ZBTB46: variants seen among roughly 807,000 people sequenced by gnomAD.
The protein encoded by ZBTB46 is zinc finger and BTB domain-containing protein 46.
ZBTB46 carries 8 observed loss-of-function variants against 44.1 expected under a neutral mutation model. That is an observed-to-expected ratio of 0.18 (90% confidence interval 0.11 to 0.33). ZBTB46 has a LOEUF of 0.33. Among genes scored for constraint, ZBTB46 ranks in the 10% least tolerant of loss-of-function variants. The pLI is 1.00. For missense variants in ZBTB46, 651 were observed against 847.7 expected (o/e 0.77, Z 2.88); for synonymous variants, 409 against 382.3 (o/e 1.07, Z -0.81).
chr20:63,750,857 A>C (rs1216641695), intron 4 of ZBTB46, among the ~76,000 whole-genome samples: 1 of 151,894 alleles, frequency 6.6e-6, no homozygotes, highest in Non-Finnish European at 1.5e-5. Context: ...GAGCTGTGTC[A>C]CGCCACTGCA....
chr20:63,815,235 AAT>A, intron 1 of ZBTB46: 1 of 246,196 alleles, frequency 4.1e-6, no homozygotes. Context: ...CAGTGAGTGC[AAT>A]GGGTGCAGGT....
chr20:63,802,924 G>A (rs1256332969), intron 1 of ZBTB46, among the ~76,000 whole-genome samples: 1 of 152,186 alleles, frequency 6.6e-6, no homozygotes, highest in Non-Finnish European at 1.5e-5. Flanking sequence ...CGGCCTCCAG[G>A]ACTGGAGGGA....
chr20:63,781,419 G>A (rs970211088), intron 2 of ZBTB46, among the ~76,000 whole-genome samples: 7 of 152,098 alleles, frequency 4.6e-5, no homozygotes, highest in African/African-American at 1.4e-4. Flanking sequence ...TCGAAACACG[G>A]CAAAAAGACC....
upstream of ZBTB46, among the ~76,000 whole-genome samples, chr20:63,832,047 C>T (rs1245418784): frequency 6.6e-6 from 1 of 151,872 alleles, no homozygotes; most frequent in East Asian, 1.9e-4. This position sits in a 1 kb window ranked among gnomAD's most constrained non-coding sequence, Gnocchi z 5.0. Context: ...ACTAGGGGCA[C>T]CGGCGGCCGC....
At chr20:63,761,652 G>A (rs949384054) in intron 3 of ZBTB46, among the ~76,000 whole-genome samples, 1 of 151,796 alleles carries the variant, frequency 6.6e-6, no homozygotes, top group African/African-American at 2.4e-5. Flanking sequence ...CGTGGTGGCC[G>A]GTGCCTGTAA....
chr20:63,806,920 C>T (rs2092685273), intron 1 of ZBTB46, among the ~76,000 whole-genome samples: 1 of 152,140 alleles, frequency 6.6e-6, no homozygotes, highest in Non-Finnish European at 1.5e-5. Flanking sequence ...GTAGCTGGGA[C>T]TACCAGCGCC....
intron 1 of ZBTB46, among the ~76,000 whole-genome samples, chr20:63,792,006 G>A (rs1159146845): frequency 6.6e-6 from 1 of 152,200 alleles, no homozygotes; most frequent in Non-Finnish European, 1.5e-5. Context: ...TCTGTGTGGA[G>A]GCATCGCACG....
At chr20:63,782,240 G>A (rs1429069856) in intron 2 of ZBTB46, among the ~76,000 whole-genome samples, 3 of 150,860 alleles carry the variant, frequency 2.0e-5, no homozygotes, top group Non-Finnish European at 4.4e-5. Flanking sequence ...GAACGACTCC[G>A]CAGACCTGAT....
At chr20:63,768,070 C>A (rs1457955468) in intron 3 of ZBTB46, 1 of 985,362 alleles carries the variant, frequency 1.0e-6, no homozygotes, top group Non-Finnish European at 1.2e-6. Context: ...TGCCCTCACT[C>A]ACCTGGGATG....
At chr20:63,756,050 CACT>C (rs1393787494) in intron 3 of ZBTB46, among the ~76,000 whole-genome samples, 1 of 152,222 alleles carries the variant, frequency 6.6e-6, no homozygotes, top group African/African-American at 2.4e-5. Flanking sequence ...CCTGTGAAAA[CACT>C]GCAGTCATTC....
rs187665583 is a variant in ZBTB46, at chr20:63,793,069, G to A, written c.-33-2279C>T. 2.9e-4 allele frequency among the ~76,000 whole-genome samples: 44 copies of A among 152,234 alleles called. No individual in the cohort carries two copies. In the East Asian group the frequency reaches 8.1e-3, roughly 28 times the overall value. On this transcript the variant is annotated intron_variant, in intron 1 of 4. Transcript: ENST00000245663. ...CACGAGGGCTGTGACGGCGGTGACC[G>A]CTGACCATTACAGGAAGGGCCTCAA...
At chr20:63,807,547 G>A (rs2092689426) in intron 1 of ZBTB46, among the ~76,000 whole-genome samples, 1 of 152,172 alleles carries the variant, frequency 6.6e-6, no homozygotes, top group Admixed American at 6.5e-5. Flanking sequence ...GTTTCACCAT[G>A]TTGGCCAGGC....
chr20:63,804,498 C>T (rs2092669167), intron 1 of ZBTB46, among the ~76,000 whole-genome samples: 1 of 152,204 alleles, frequency 6.6e-6, no homozygotes, highest in Non-Finnish European at 1.5e-5. Context: ...ACTGACAGCA[C>T]ACATGCCACC....
At position 63,803,654 on chromosome 20, in the gene ZBTB46, C is replaced by T. The variant is rs6011126; in HGVS notation, c.-33-12864G>A. 0.18 allele frequency among the ~76,000 whole-genome samples: 27,257 copies of T among 151,806 alleles called. 2,982 individuals are homozygous for T. The highest frequency in any genetic ancestry group is 0.45 in the East Asian group (2,275 of 5,092). ...CCTTTCAGTTCCTTCATCTCCAGCC[C>T]GGCTCTGACGCCCAGGCCGCCTCCT... On this transcript the variant is annotated intron_variant, in intron 1 of 4. Coordinates refer to ENST00000245663, the MANE Select transcript of ZBTB46 (RefSeq NM_001369741.1). This position sits in a 1 kb window ranked among gnomAD's most constrained non-coding sequence, Gnocchi z 4.0.
intron 3 of ZBTB46, among the ~76,000 whole-genome samples, chr20:63,766,966 C>A (rs184912519): frequency 6.6e-6 from 1 of 152,194 alleles, no homozygotes; most frequent in African/African-American, 2.4e-5. Context: ...TGCCTATCCC[C>A]CTCCTGAGCC....
chr20:63,795,834 G>A (rs4538263), intron 1 of ZBTB46, among the ~76,000 whole-genome samples: 27,696 of 152,218 alleles, frequency 0.18, 3,096 homozygotes, highest in East Asian at 0.45. Flanking sequence ...TGCCGAATGC[G>A]CATAGGAACG....
At chr20:63,833,521 G>T (rs2092861460), upstream of ZBTB46, among the ~76,000 whole-genome samples, 1 of 152,198 alleles carries the variant, frequency 6.6e-6, no homozygotes, top group Non-Finnish European at 1.5e-5. Context: ...AACCCGGGAG[G>T]TGGAGCTTGC....
intron 1 of ZBTB46, among the ~76,000 whole-genome samples, chr20:63,793,384 G>C (rs1326824976): frequency 6.6e-6 from 1 of 152,214 alleles, no homozygotes; most frequent in Non-Finnish European, 1.5e-5. Flanking sequence ...GCTTCACCCA[G>C]ATTAACTAGG....
rs1006091799 is a variant in ZBTB46, at chr20:63,744,778, G to A, written c.*2152C>T. 7 of 152,482 alleles carry A rather than the reference G, an allele frequency of 4.6e-5. No homozygotes were observed. Among genetic ancestry groups the A allele is most frequent in the Admixed American group, 2.0e-4 (3 of 15,296 alleles). 9.4% of individuals were successfully genotyped at this position (152,482 alleles called of 1,614,324 possible). A position where few individuals can be genotyped will look rare whatever the true frequency, so the allele number is the denominator to read the frequency against. Reference sequence around the variant, plus strand: ...GGGAAGAAAATGCCCCTGTAGCTCCGGCGGGGAACCCCAAAACGGTCAGCA... The same window carrying A: ...GGGAAGAAAATGCCCCTGTAGCTCCAGCGGGGAACCCCAAAACGGTCAGCA... On this transcript the variant is annotated 3_prime_UTR_variant, in exon 5 of 5. Coordinates refer to ENST00000245663, the MANE Select transcript of ZBTB46 (RefSeq NM_001369741.1).
Sources: allele counts gnomAD v4.1 joint callset (sites outside exome capture counted in the v4.1 genomes callset), GRCh38; gene constraint gnomAD v4.1.1; non-coding constraint Gnocchi (gnomAD v3.1); transcripts MANE v1.5; gene names NCBI Gene and HGNC (gene_info 2026-07-23, HGNC 2026-07-21).